ADAMTSL3: variants seen among roughly 807,000 people sequenced by gnomAD.
ADAMTSL3 encodes the protein ADAMTS like 3, also known as ADAMTS-like protein 3.
In ADAMTSL3, 128 loss-of-function variants were observed where a neutral mutation model predicts 201.7. That is an observed-to-expected ratio of 0.63 (90% confidence interval 0.55 to 0.73). The LOEUF (loss-of-function observed/expected upper bound fraction) is 0.73. Ranked by LOEUF, ADAMTSL3 falls within the 30% of genes least tolerant of loss-of-function variation. The pLI is 0.00. For missense variants in ADAMTSL3, 1,990 were observed against 2,119.6 expected (o/e 0.94, Z 1.20); for synonymous variants, 738 against 748.4 (o/e 0.99, Z 0.23).
chr15:83,983,041 G>C lies in ADAMTSL3; in HGVS notation c.3413G>C (p.Trp1138Ser), dbSNP rs1567281382. ...AAGGCACAGCCAACACACATGCAGT[G>C]GCGGGGCATCCAGGAAGAGACACCT... ...LAKAQPTHMQ[W>S]RGIQEETPPA... The change falls in exon 21 of 30, where the codon TGG becomes TCG. Residue 1138 changes from tryptophan to serine, a missense_variant. By Grantham distance (177) the Trp-to-Ser change is radical. Coordinates refer to ENST00000286744, the MANE Select transcript of ADAMTSL3 (RefSeq NM_207517.3). The C allele has an allele frequency of 3.7e-6, 6 of 1,614,130 alleles. No individual in the cohort carries two copies. Among genetic ancestry groups the C allele is most frequent in the Non-Finnish European group, 4.2e-6 (5 of 1,180,028 alleles).
rs114441274 is a variant in ADAMTSL3, at chr15:83,683,653, A to G, written c.70-20736A>G. ...GTCAAATTGAGGAGGTAAGTAGGCA[A>G]CAGGACCTAAGTAGCAGAAAACAGT... On this transcript the variant is annotated intron_variant, in intron 2 of 29. Coordinates refer to ENST00000286744, the MANE Select transcript of ADAMTSL3 (RefSeq NM_207517.3). Among the ~76,000 whole-genome samples, 1,029 of 152,310 alleles carry G rather than the reference A, an allele frequency of 6.8e-3. 9 individuals carry two copies. Among genetic ancestry groups the G allele is most frequent in the African/African-American group, 0.023 (965 of 41,564 alleles).
chr15:83,986,627 G>A (rs923580770), intron 21 of ADAMTSL3, among the ~76,000 whole-genome samples: 10 of 152,008 alleles, frequency 6.6e-5, no homozygotes, highest in African/African-American at 2.2e-4. Context: ...CATAACAAAT[G>A]TTCTCATCTT....
intron 3 of ADAMTSL3, among the ~76,000 whole-genome samples, chr15:83,731,188 A>G (rs1296342717): frequency 1.3e-5 from 2 of 152,066 alleles, no homozygotes; most frequent in Admixed American, 1.3e-4. Flanking sequence ...TTGTAATACA[A>G]TTTGAAATCG....
At chr15:83,756,796 A>G (rs2062728520) in intron 3 of ADAMTSL3, among the ~76,000 whole-genome samples, 2 of 152,270 alleles carry the variant, frequency 1.3e-5, no homozygotes. Context: ...CAATGGGGGA[A>G]CAGGAATTGG....
Position 83,988,688 on chromosome 15 carries a change from C to A in ADAMTSL3, c.3717-3C>A. On this transcript the variant is annotated splice_polypyrimidine_tract_variant and splice_region_variant and intron_variant, in intron 21 of 29. Transcript: ENST00000286744. Reference sequence around the variant, plus strand: ...ATGTGTCGTCTTTCTAACTGTTCTACAGAATAATTTTGGATGGAACTGGGA... The same window carrying A: ...ATGTGTCGTCTTTCTAACTGTTCTAAAGAATAATTTTGGATGGAACTGGGA... 1 of 1,591,852 alleles carries A rather than the reference C, an allele frequency of 6.3e-7. No individual in the cohort carries two copies. Among genetic ancestry groups the A allele is most frequent in the Non-Finnish European group, 8.6e-7 (1 of 1,167,076 alleles).
At chr15:83,829,637 C>A (rs1224305958) in intron 6 of ADAMTSL3, among the ~76,000 whole-genome samples, 1 of 152,184 alleles carries the variant, frequency 6.6e-6, no homozygotes, top group African/African-American at 2.4e-5. Context: ...AATTTTAGAT[C>A]TTTCCTGCTT....
chr15:83,890,344 C>T (rs2065479463), intron 11 of ADAMTSL3, 97 bp downstream of exon 11: 2 of 1,470,084 alleles, frequency 1.4e-6, no homozygotes, highest in Admixed American at 2.2e-5. Flanking sequence ...ATTTCCATTT[C>T]CTGGCTTTGT....
chr15:83,725,325 A>G (rs72746903), intron 3 of ADAMTSL3, among the ~76,000 whole-genome samples: 16,013 of 152,188 alleles, frequency 0.11, 979 homozygotes, highest in East Asian at 0.28. Context: ...GTACTTTTTC[A>G]TATGCCTGTT....
chr15:83,833,744 T>C (rs2064206225), intron 6 of ADAMTSL3, among the ~76,000 whole-genome samples: 1 of 152,194 alleles, frequency 6.6e-6, no homozygotes, highest in African/African-American at 2.4e-5. Flanking sequence ...AGTACGGGGA[T>C]TAAAACTCAG....
At position 83,988,678 on chromosome 15, in the gene ADAMTSL3, A is replaced by G. The variant is rs2067526865; in HGVS notation, c.3717-13A>G. ...TGTTATATGAATGTGTCGTCTTTCT[A>G]ACTGTTCTACAGAATAATTTTGGAT... is the stretch of plus-strand genomic sequence containing the variant. On this transcript the variant is annotated splice_polypyrimidine_tract_variant and intron_variant, in intron 21 of 29. Coordinates refer to ENST00000286744, the MANE Select transcript of ADAMTSL3 (RefSeq NM_207517.3). 1.9e-6 allele frequency: 3 copies of G among 1,584,592 alleles called. No homozygotes were observed. Among genetic ancestry groups the G allele is most frequent in the African/African-American group, 1.3e-5 (1 of 74,374 alleles).
chr15:83,674,474 A>G (rs2061367270), intron 2 of ADAMTSL3, among the ~76,000 whole-genome samples: 2 of 151,710 alleles, frequency 1.3e-5, no homozygotes, highest in African/African-American at 2.4e-5. Context: ...CCATTGATCT[A>G]TGTATCTATT....
At chr15:83,663,145 C>A (rs541673156) in intron 2 of ADAMTSL3, among the ~76,000 whole-genome samples, 1 of 152,124 alleles carries the variant, frequency 6.6e-6, no homozygotes, top group Non-Finnish European at 1.5e-5. Flanking sequence ...AGTGAGAAGA[C>A]GGAATGCTTC....
intron 2 of ADAMTSL3, among the ~76,000 whole-genome samples, chr15:83,668,609 G>T (rs1259315172): frequency 2.0e-5 from 3 of 151,668 alleles, no homozygotes; most frequent in Non-Finnish European, 2.9e-5. Flanking sequence ...TTTTTCTGTT[G>T]TCTTGAAATG....
chr15:83,778,784 A>C (rs1329085117), intron 4 of ADAMTSL3, among the ~76,000 whole-genome samples: 2 of 152,228 alleles, frequency 1.3e-5, no homozygotes, highest in African/African-American at 4.8e-5. Flanking sequence ...CCTTGAATGT[A>C]AGTGGGCTAA....
At chr15:83,850,223 A>G (rs961757732) in intron 7 of ADAMTSL3, among the ~76,000 whole-genome samples, 1 of 151,964 alleles carries the variant, frequency 6.6e-6, no homozygotes. Context: ...TTCCAAGACT[A>G]ATTAATCCCT....
intron 19 of ADAMTSL3, among the ~76,000 whole-genome samples, chr15:83,944,095 A>T (rs1277899785): frequency 6.6e-6 from 1 of 152,232 alleles, no homozygotes; most frequent in Non-Finnish European, 1.5e-5. Flanking sequence ...TCAGAACGTC[A>T]TGCAAACTAA....
At chr15:83,749,467 A>G (rs2062603058) in intron 3 of ADAMTSL3, among the ~76,000 whole-genome samples, 1 of 152,222 alleles carries the variant, frequency 6.6e-6, no homozygotes, top group South Asian at 2.1e-4. Context: ...TGCATGCAGA[A>G]CAGTTCTGAT....
At chr15:83,807,873 A>C (rs2063625109) in intron 5 of ADAMTSL3, among the ~76,000 whole-genome samples, 1 of 152,222 alleles carries the variant, frequency 6.6e-6, no homozygotes, top group South Asian at 2.1e-4. Context: ...GGGTGCCAAG[A>C]ATACACACTG....
chr15:83,661,923 A>T (rs2061171853), intron 2 of ADAMTSL3, among the ~76,000 whole-genome samples: 1 of 147,044 alleles, frequency 6.8e-6, no homozygotes, highest in Non-Finnish European at 1.5e-5. Context: ...TCAGGAAACA[A>T]CATGTGCTGG....
Sources: gnomAD v4.1 joint callset for allele counts (sites outside exome capture counted in the v4.1 genomes callset) on GRCh38, gnomAD v4.1.1 for gene constraint, MANE v1.5 for transcripts, NCBI Gene and HGNC (gene_info 2026-07-23, HGNC 2026-07-21) for gene names.